The following AFF3 variants were observed in gnomAD, a reference collection of about 807,000 sequenced individuals.
The protein encoded by AFF3 is ALF transcription elongation factor 3.
In AFF3, 32 loss-of-function variants were observed where a neutral mutation model predicts 129.7. The ratio of observed to expected loss-of-function variants is 0.25; its 90% CI spans 0.19 to 0.33. The LOEUF is 0.33. Among genes scored for constraint, AFF3 ranks in the 10% least tolerant of loss-of-function variants. AFF3 has a pLI of 1.00. For synonymous variants in AFF3, 644 were observed against 635.4 expected (o/e 1.01, Z -0.20); for missense variants, 1,373 against 1,592.0 (o/e 0.86, Z 2.34).
At chr2:100,049,242 T>C (rs1686089018) in intron 4 of AFF3, among the ~76,000 whole-genome samples, 1 of 152,186 alleles carries the variant, frequency 6.6e-6, no homozygotes, top group Non-Finnish European at 1.5e-5. Context: ...TGTGACACCG[T>C]GTACTTCCTG....
At chr2:99,733,132 C>A (rs1210353473) in intron 10 of AFF3, among the ~76,000 whole-genome samples, 1 of 151,980 alleles carries the variant, frequency 6.6e-6, no homozygotes, top group East Asian at 1.9e-4. Context: ...GTAATCCTAG[C>A]ACTTTGGGAG....
At chr2:99,668,341 T>C (rs532591511) in intron 12 of AFF3, among the ~76,000 whole-genome samples, 2 of 151,888 alleles carry the variant, frequency 1.3e-5, no homozygotes, top group East Asian at 2.0e-4. Context: ...CCAACTAATT[T>C]TTGTATTTTT....
intron 8 of AFF3, among the ~76,000 whole-genome samples, chr2:99,765,366 C>A (rs1682922522): frequency 6.6e-6 from 1 of 152,204 alleles, no homozygotes; most frequent in Admixed American, 6.5e-5. Flanking sequence ...CCCCTTTCCA[C>A]AGACAATTTG....
intron 12 of AFF3, among the ~76,000 whole-genome samples, chr2:99,653,126 A>C (rs1276640884): frequency 2.0e-5 from 3 of 152,228 alleles, no homozygotes; most frequent in African/African-American, 7.2e-5. Flanking sequence ...CTCACTCAGC[A>C]AGATGGCTTT....
rs1185550846 is a variant in AFF3, at chr2:99,602,455, T to G, written c.1185-834A>C. 2.0e-5 allele frequency among the ~76,000 whole-genome samples: 3 copies of G among 152,206 alleles called. No individual in the cohort carries two copies. The South Asian group carries it at 6.2e-4, about 31-fold the overall frequency. Reference sequence around the variant, plus strand: ...GATAACAAGAAAAATTGACTGATGCTTTCCGATAGTAATTAATTAACCATA... The same window carrying G: ...GATAACAAGAAAAATTGACTGATGCGTTCCGATAGTAATTAATTAACCATA... On this transcript the variant is annotated intron_variant, in intron 13 of 24. Transcript: ENST00000672756.
At position 99,587,909 on chromosome 2, in the gene AFF3, C is replaced by G. The variant is rs1372212046; in HGVS notation, c.2467-631G>C. Among the ~76,000 whole-genome samples, 3 of 151,400 alleles carry G rather than the reference C, an allele frequency of 2.0e-5. No individual in the cohort carries two copies. In the East Asian group the frequency reaches 5.9e-4, roughly 30 times the overall value. On this transcript the variant is annotated intron_variant, in intron 15 of 24. Coordinates refer to ENST00000672756, the MANE Select transcript of AFF3 (RefSeq NM_001386135.1). ...CCTGTAGTCCCAGCTACTTGGGAGG[C>G]TGAGGCAGGAGAATCGCTTGAACCT...
intron 4 of AFF3, among the ~76,000 whole-genome samples, chr2:100,021,229 T>C (rs139377958): frequency 5.2e-4 from 79 of 152,236 alleles, no homozygotes; most frequent in African/African-American, 1.7e-3. Flanking sequence ...TATTAAACCA[T>C]ACCATAAGAA....
intron 7 of AFF3, among the ~76,000 whole-genome samples, chr2:99,902,889 T>G (rs530818601): frequency 6.6e-6 from 1 of 152,274 alleles, no homozygotes; most frequent in East Asian, 1.9e-4. Flanking sequence ...AGTTTAGAGT[T>G]TATATTCTTG....
chr2:99,606,874 A>T (rs1680403094), intron 13 of AFF3, among the ~76,000 whole-genome samples: 1 of 137,784 alleles, frequency 7.3e-6, no homozygotes. Flanking sequence ...AGATTGCGCC[A>T]CTGCACTCCA....
At chr2:99,837,854 A>G (rs1201569918) in intron 7 of AFF3, among the ~76,000 whole-genome samples, 1 of 152,160 alleles carries the variant, frequency 6.6e-6, no homozygotes, top group Non-Finnish European at 1.5e-5. Flanking sequence ...CTTGGGTGCC[A>G]TTAACGTGTG....
At chr2:100,026,111 C>A (rs577048600) in intron 4 of AFF3, among the ~76,000 whole-genome samples, 2 of 152,156 alleles carry the variant, frequency 1.3e-5, no homozygotes, top group South Asian at 2.1e-4. Flanking sequence ...AGTAAACAGA[C>A]AACCCACAGA....
intron 7 of AFF3, among the ~76,000 whole-genome samples, chr2:99,969,165 G>A (rs1022452419): frequency 1.3e-5 from 2 of 152,202 alleles, no homozygotes; most frequent in African/African-American, 4.8e-5. Context: ...GAGGTGCACT[G>A]CCCCAGCACA....
intron 11 of AFF3, among the ~76,000 whole-genome samples, chr2:99,700,095 C>T (rs1676695276): frequency 6.6e-6 from 1 of 151,360 alleles, no homozygotes; most frequent in Admixed American, 6.6e-5. Flanking sequence ...GGAGAACATC[C>T]AGCTGCTGCA....
At chr2:99,668,389 C>T (rs999130951) in intron 12 of AFF3, among the ~76,000 whole-genome samples, 1 of 151,946 alleles carries the variant, frequency 6.6e-6, no homozygotes, top group African/African-American at 2.4e-5. Context: ...CCAGGCTGGT[C>T]TCGAACTCCT....
chr2:100,026,080 G>A (rs1312700233), intron 4 of AFF3, among the ~76,000 whole-genome samples: 5 of 152,070 alleles, frequency 3.3e-5, no homozygotes, highest in African/African-American at 7.2e-5. Flanking sequence ...GCTTTTGCAC[G>A]GCAAAAGGAA....
chr2:99,571,023 A>T (rs193094975), intron 18 of AFF3, among the ~76,000 whole-genome samples: 2 of 152,320 alleles, frequency 1.3e-5, no homozygotes, highest in African/African-American at 4.8e-5. Flanking sequence ...TGTACTGGGC[A>T]TGTGTGCAAC....
At chr2:99,820,061 C>T (rs1687534446) in intron 8 of AFF3, among the ~76,000 whole-genome samples, 1 of 152,230 alleles carries the variant, frequency 6.6e-6, no homozygotes, top group Non-Finnish European at 1.5e-5. Flanking sequence ...CATGAATACA[C>T]ACTCAAGATC....
At chr2:100,130,942 G>T (rs1023673812) in intron 1 of AFF3, among the ~76,000 whole-genome samples, 9 of 152,042 alleles carry the variant, frequency 5.9e-5, no homozygotes, top group African/African-American at 1.7e-4. Context: ...ATAACTGCAG[G>T]CCAGACAACA....
At chr2:99,882,494 A>G (rs1325730077) in intron 7 of AFF3, among the ~76,000 whole-genome samples, 1 of 152,164 alleles carries the variant, frequency 6.6e-6, no homozygotes, top group East Asian at 1.9e-4. Context: ...GCTGAAGCAC[A>G]TCCTCAGTCT....
Sources: gnomAD v4.1 joint callset for allele counts (sites outside exome capture counted in the v4.1 genomes callset) on GRCh38, gnomAD v4.1.1 for gene constraint, MANE v1.5 for transcripts, NCBI Gene and HGNC (gene_info 2026-07-23, HGNC 2026-07-21) for gene names.